SMC4: variants seen among roughly 807,000 people sequenced by gnomAD.
The protein encoded by SMC4 is structural maintenance of chromosomes protein 4.
In SMC4, 87 loss-of-function variants were observed where a neutral mutation model predicts 145.6. The ratio of observed to expected loss-of-function variants is 0.60; its 90% CI spans 0.50 to 0.71. The LOEUF (loss-of-function observed/expected upper bound fraction) is 0.71. SMC4 is among the 30% of genes least tolerant of loss of function. SMC4 has a pLI of 0.00. For missense variants in SMC4, 1,447 were observed against 1,537.1 expected (o/e 0.94, Z 0.98); for synonymous variants, 558 against 500.7 (o/e 1.11, Z -1.53).
chr3:160,401,395 A>G (rs1376418905), intron 2 of SMC4, among the ~76,000 whole-genome samples: 1 of 152,146 alleles, frequency 6.6e-6, no homozygotes. Context: ...ATTGCCGTTA[A>G]AGAGAAGACG....
At chr3:160,422,348 C>T (rs1195427987) in intron 13 of SMC4, among the ~76,000 whole-genome samples, 1 of 152,164 alleles carries the variant, frequency 6.6e-6, no homozygotes, top group African/African-American at 2.4e-5. Context: ...TTTACATCCT[C>T]GTTAACACTT....
intron 23 of SMC4, 25 bp downstream of exon 23, chr3:160,433,234 A>G: frequency 6.4e-7 from 1 of 1,552,654 alleles, no homozygotes. Flanking sequence ...TGGGATTTTC[A>G]TTCCAGAAAC....
intron 9 of SMC4, 72 bp from the exon 10 acceptor site, chr3:160,416,179 A>T: frequency 9.0e-7 from 1 of 1,116,268 alleles, no homozygotes; most frequent in East Asian, 2.6e-5. Context: ...AAATGCCTTT[A>T]AATATGTCAA....
intron 5 of SMC4, chr3:160,404,856 T>C: frequency 2.1e-6 from 1 of 474,364 alleles, no homozygotes; most frequent in South Asian, 1.6e-5. Flanking sequence ...ATCAATTGTT[T>C]GTATTTCCCT....
chr3:160,424,958 A>C lies in SMC4; in HGVS notation c.2417A>C (p.Lys806Thr). 1.2e-6 allele frequency: 2 copies of C among 1,613,758 alleles called. No individual in the cohort carries two copies. The highest frequency in any genetic ancestry group is 1.7e-6 in the Non-Finnish European group (2 of 1,179,902). ...GTACAACTTGAAGAAAGAGTAGTTA[A>C]GTTACGGCATAGTGAACGAGAAATG... ...QKVQLEERVVKLRHSEREMRN... is the reference protein window; with the variant it reads ...QKVQLEERVVTLRHSEREMRN... The change falls in exon 16 of 24, where the codon AAG becomes ACG. Residue 806 changes from lysine to threonine, a missense_variant. Physicochemically the swap from Lys to Thr is moderately conservative, Grantham distance 78. Coordinates refer to ENST00000357388, the MANE Select transcript of SMC4 (RefSeq NM_001002800.3).
intron 7 of SMC4, chr3:160,412,812 T>C: frequency 1.0e-6 from 1 of 985,264 alleles, no homozygotes; most frequent in East Asian, 1.1e-4. Context: ...ATTAATTCAT[T>C]GAAGTTGACT....
chr3:160,413,403 A>G, intron 7 of SMC4, 70 bp from the exon 8 acceptor site: 3 of 1,446,990 alleles, frequency 2.1e-6, no homozygotes, highest in Non-Finnish European at 2.8e-6. Flanking sequence ...GTTTTACTAA[A>G]ATTGTTATAC....
intron 8 of SMC4, 167 bp downstream of exon 8, chr3:160,413,780 T>C (rs1209233244): frequency 1.3e-5 from 6 of 452,864 alleles, no homozygotes; most frequent in African/African-American, 2.1e-5. Context: ...CAGTTCCTTG[T>C]TACAGATGAA....
At position 160,432,280 on chromosome 3, in the gene SMC4, C is replaced by T. The variant is rs1577000652; in HGVS notation, c.3298-3C>T. On this transcript the variant is annotated splice_region_variant and splice_polypyrimidine_tract_variant and intron_variant, in intron 21 of 23. Coordinates refer to ENST00000357388, the MANE Select transcript of SMC4 (RefSeq NM_001002800.3). ...GATTTTCCCTATCATAATCTTTTCA[C>T]AGGAAGAATTGTATTTGCAACGGGT... 1.3e-6 allele frequency: 2 copies of T among 1,570,282 alleles called. No individual in the cohort carries two copies. The highest frequency in any genetic ancestry group is 8.7e-7 in the Non-Finnish European group (1 of 1,152,282).
chr3:160,422,569 C>T (rs1717296179), intron 13 of SMC4, among the ~76,000 whole-genome samples: 1 of 152,150 alleles, frequency 6.6e-6, no homozygotes, highest in Non-Finnish European at 1.5e-5. Context: ...TTTCTCTATT[C>T]TGAATACAAG....
In SMC4 at chr3:160,420,842, T is replaced by A. The variant is rs1286314152; in HGVS notation, c.1960T>A (p.Cys654Ser). Residue 654 changes from cysteine to serine, a missense_variant, in exon 13 of 24, where the codon TGT (cysteine) becomes AGT (serine). Cys to Ser is a moderately radical substitution (Grantham distance 112, BLOSUM62 -1). Transcript: ENST00000357388. ...TGATTCTATTGATATAGCCCAAGAA[T>A]GTGTAAACTTCCTTAAAAGACAAAA... is the stretch of plus-strand genomic sequence containing the variant. ...VVDSIDIAQE[C>S]VNFLKRQNIG... 1 of 1,613,900 alleles carries A rather than the reference T, an allele frequency of 6.2e-7. No individual in the cohort carries two copies. Among genetic ancestry groups the A allele is most frequent in the Admixed American group, 1.7e-5 (1 of 59,986 alleles).
rs1718708694 is a variant in SMC4, at chr3:160,433,907, C to T, written c.*98C>T. ...TTGTATAAAATACATACTCCCTAAACTAGATCATGAAACTGGTTTCTGTTT... is the reference window on the plus strand; with the variant it reads ...TTGTATAAAATACATACTCCCTAAATTAGATCATGAAACTGGTTTCTGTTT... On this transcript the variant is annotated 3_prime_UTR_variant, in exon 24 of 24. Transcript: ENST00000357388. 3 of 836,120 alleles carry T rather than the reference C, an allele frequency of 3.6e-6. 1 individual carries two copies. In the South Asian group the frequency reaches 5.5e-5, roughly 15 times the overall value. 51.8% of individuals were successfully genotyped at this position (836,120 alleles called of 1,614,324 possible).
chr3:160,420,162 T>G (rs544976275), intron 12 of SMC4, among the ~76,000 whole-genome samples: 2 of 152,216 alleles, frequency 1.3e-5, no homozygotes, highest in South Asian at 4.1e-4. Context: ...TGCCCTCCAG[T>G]CTTAGCTGAA....
intron 4 of SMC4, among the ~76,000 whole-genome samples, chr3:160,403,715 A>G (rs916807370): frequency 1.3e-5 from 2 of 152,146 alleles, no homozygotes; most frequent in Non-Finnish European, 2.9e-5. Flanking sequence ...ATTTATCTAA[A>G]TTTTAGAAGC....
chr3:160,433,938 A>C lies in SMC4; in HGVS notation c.*129A>C, dbSNP rs1395281927. On this transcript the variant is annotated 3_prime_UTR_variant, in exon 24 of 24. Transcript: ENST00000357388. ...CATGAAACTGGTTTCTGTTTTATGCAGTTGTCATTTGTAAAGTCTAATAAA... is the reference window on the plus strand; with the variant it reads ...CATGAAACTGGTTTCTGTTTTATGCCGTTGTCATTTGTAAAGTCTAATAAA... The C allele has an allele frequency of 8.1e-6, 5 of 619,816 alleles. No homozygotes were observed. The allele number at this position is 619,816 out of a possible 1,614,324, so 38.4% of individuals were successfully genotyped here. A position where few individuals can be genotyped will look rare whatever the true frequency, so the allele number is the denominator to read the frequency against.
intron 5 of SMC4, among the ~76,000 whole-genome samples, chr3:160,410,087 A>G (rs1195715757): frequency 6.6e-6 from 1 of 152,192 alleles, no homozygotes; most frequent in Non-Finnish European, 1.5e-5. Flanking sequence ...AAAAAATAAT[A>G]AATGAGTGAA....
At position 160,415,335 on chromosome 3, in the gene SMC4, C is replaced by T. The variant is rs529160967; in HGVS notation, c.1272+818C>T. On this transcript the variant is annotated intron_variant, in intron 9 of 23. Transcript: ENST00000357388. ...ATAGTGATCAAGCCACTGCATCCAG[C>T]CTGGGTGACAAAGTGAGACTCTGTG... Among the ~76,000 whole-genome samples, 6 of 152,286 alleles carry T rather than the reference C, an allele frequency of 3.9e-5. No individual in the cohort carries two copies. In the South Asian group the frequency reaches 1.2e-3, roughly 32 times the overall value.
In SMC4 at chr3:160,426,117, A is replaced by G. The variant is rs146981351; in HGVS notation, c.2522A>G (p.Glu841Gly). ...QEEYLNVQVKELEANVLATAP... is the reference protein window; with the variant it reads ...QEEYLNVQVKGLEANVLATAP... ...GAATATTTGAATGTCCAAGTTAAGG[A>G]ACTTGAAGCTAATGTACTTGCTACA... Residue 841 changes from glutamate to glycine, a missense_variant, in exon 17 of 24, where the codon GAA (glutamate) becomes GGA (glycine). Coordinates refer to ENST00000357388, the MANE Select transcript of SMC4 (RefSeq NM_001002800.3). 415 of 1,608,504 alleles carry G rather than the reference A, an allele frequency of 2.6e-4. 1 individual carries two copies. In the African/African-American group the frequency reaches 4.7e-3, roughly 18 times the overall value.
rs181253118 is a variant in SMC4, at chr3:160,428,066, G to A, written c.2606-687G>A. Among the ~76,000 whole-genome samples the A allele has an allele frequency of 4.6e-5, 7 of 152,298 alleles. No individual in the cohort carries two copies. In the East Asian group the frequency reaches 1.4e-3, roughly 29 times the overall value. ...GTGGATGGAGGTTGCAGTGAGCTGC[G>A]ATGGCGCCACTGCACTCCATCCTGG... On this transcript the variant is annotated intron_variant, in intron 17 of 23. Coordinates refer to ENST00000357388, the MANE Select transcript of SMC4 (RefSeq NM_001002800.3).
Sources: allele counts gnomAD v4.1 joint callset (sites outside exome capture counted in the v4.1 genomes callset), GRCh38; gene constraint gnomAD v4.1.1; transcripts MANE v1.5; gene names NCBI Gene and HGNC (gene_info 2026-07-23, HGNC 2026-07-21).